TPX2: variants seen among roughly 807,000 people sequenced by gnomAD.
The protein encoded by TPX2 is TPX2 microtubule nucleation factor.
Under a neutral mutation model 93.6 loss-of-function variants are expected in TPX2, and 21 were observed. That is an observed-to-expected ratio of 0.22 (90% CI 0.16 to 0.32). The LOEUF (loss-of-function observed/expected upper bound fraction) is 0.32. Ranked by LOEUF, TPX2 falls within the 10% of genes least tolerant of loss-of-function variation. The probability of loss-of-function intolerance (pLI) is 1.00; values close to 1 mark genes in which losing one functional copy is unlikely to be tolerated. For missense variants in TPX2, 776 were observed against 871.1 expected (o/e 0.89, Z 1.37); for synonymous variants, 281 against 298.3 (o/e 0.94, Z 0.60).
At chr20:31,757,179 A>G (rs563382059) in intron 2 of TPX2, among the ~76,000 whole-genome samples, 1 of 152,240 alleles carries the variant, frequency 6.6e-6, no homozygotes, top group African/African-American at 2.4e-5. Flanking sequence ...AAATGCTGGG[A>G]TTACAGACGT....
intron 7 of TPX2, among the ~76,000 whole-genome samples, chr20:31,773,900 T>C (rs1268005873): frequency 6.6e-6 from 1 of 152,042 alleles, no homozygotes; most frequent in Non-Finnish European, 1.5e-5. Context: ...AGATGGAGTT[T>C]CTCTCTTGTT....
Position 31,739,332 on chromosome 20 carries a change from T to C in TPX2, c.-467T>C, listed in dbSNP as rs1048591307. 3 of 152,252 alleles carry C rather than the reference T, an allele frequency of 2.0e-5. No individual in the cohort carries two copies. Among genetic ancestry groups the C allele is most frequent in the African/African-American group, 7.2e-5 (3 of 41,472 alleles). 9.4% of individuals were successfully genotyped at this position (152,252 alleles called of 1,614,324 possible). ...GGTTGGCTCGCGCTTCGTTGTCAGA[T>C]CTGAGGCGAGGCTAGGTGAGCCGTG... is the stretch of plus-strand genomic sequence containing the variant. On this transcript the variant is annotated 5_prime_UTR_variant, in exon 1 of 18. Coordinates refer to ENST00000300403, the MANE Select transcript of TPX2 (RefSeq NM_012112.5).
intron 12 of TPX2, among the ~76,000 whole-genome samples, chr20:31,790,225 T>C (rs1387377324): frequency 6.6e-6 from 1 of 152,224 alleles, no homozygotes; most frequent in Non-Finnish European, 1.5e-5. Context: ...GATTTCACTA[T>C]GCTAATGATT....
At chr20:31,774,871 C>G (rs1386528509) in intron 7 of TPX2, among the ~76,000 whole-genome samples, 1 of 152,158 alleles carries the variant, frequency 6.6e-6, no homozygotes, top group Non-Finnish European at 1.5e-5. Context: ...TTCCAAGTAG[C>G]TGGGATTACA....
chr20:31,741,564 C>T (rs149287839), intron 1 of TPX2, among the ~76,000 whole-genome samples: 3,437 of 151,482 alleles, frequency 0.023, 135 homozygotes, highest in African/African-American at 0.078. Flanking sequence ...CTGCAACCTC[C>T]GCCTCCTGGG....
At chr20:31,747,215 G>T (rs1037027997) in intron 2 of TPX2, among the ~76,000 whole-genome samples, 1 of 152,120 alleles carries the variant, frequency 6.6e-6, no homozygotes, top group African/African-American at 2.4e-5. Flanking sequence ...CCACCTCCTG[G>T]GTTCAAGCTA....
chr20:31,758,148 A>G (rs1005123607), intron 3 of TPX2, among the ~76,000 whole-genome samples: 4 of 124,954 alleles, frequency 3.2e-5, no homozygotes, highest in African/African-American at 1.2e-4. Context: ...TTGAGGCTGT[A>G]GTCTCGCTCT....
intron 15 of TPX2, among the ~76,000 whole-genome samples, chr20:31,797,009 TA>T (rs1263992507): frequency 6.6e-6 from 1 of 151,874 alleles, no homozygotes; most frequent in Non-Finnish European, 1.5e-5. Context: ...TTTTTTAATT[TA>T]AAAGTAAACT....
At chr20:31,781,813 C>T (rs573176797) in intron 10 of TPX2, among the ~76,000 whole-genome samples, 13 of 151,664 alleles carry the variant, frequency 8.6e-5, no homozygotes, top group African/African-American at 2.7e-4. Context: ...CATGGTGGTG[C>T]ATGCCTGTAA....
intron 2 of TPX2, among the ~76,000 whole-genome samples, chr20:31,751,949 G>A (rs566662045): frequency 2.4e-3 from 362 of 152,240 alleles, no homozygotes; most frequent in Non-Finnish European, 3.8e-3. Flanking sequence ...CACCATGTTG[G>A]TGAGGCTGGT....
chr20:31,773,839 A>C (rs2061979388), intron 7 of TPX2, among the ~76,000 whole-genome samples: 1 of 151,674 alleles, frequency 6.6e-6, no homozygotes, highest in South Asian at 2.1e-4. Context: ...CACCTCAAAT[A>C]CTTACCACTT....
At chr20:31,796,258 TTACACTGGA>T (rs963927575) in intron 15 of TPX2, among the ~76,000 whole-genome samples, 1 of 152,220 alleles carries the variant, frequency 6.6e-6, no homozygotes, top group Non-Finnish European at 1.5e-5. Context: ...CCCACTTATC[TTACACTGGA>T]TACTTCTACC....
intron 3 of TPX2, among the ~76,000 whole-genome samples, chr20:31,759,513 C>G (rs909990794): frequency 2.7e-5 from 4 of 150,882 alleles, no homozygotes; most frequent in African/African-American, 9.8e-5. Context: ...GATTCCCCTG[C>G]CTCAGCTTCT....
chr20:31,785,191 C>CT (rs1306114771), intron 12 of TPX2, among the ~76,000 whole-genome samples: 2 of 152,004 alleles, frequency 1.3e-5, no homozygotes, highest in African/African-American at 4.8e-5. Flanking sequence ...GTTCACGATG[C>CT]TTTTTTTTCC....
chr20:31,771,462 A>G lies in TPX2; in HGVS notation c.486-98A>G, dbSNP rs57977264. The G allele has an allele frequency of 3.3e-3, 4,747 of 1,450,932 alleles. 128 individuals are homozygous for G. The African/African-American group carries it at 0.058, about 18-fold the overall frequency. The allele number at this position is 1,450,932 out of a possible 1,614,324, so 89.9% of individuals were successfully genotyped here. On this transcript the variant is annotated intron_variant, in intron 6 of 17. Transcript: ENST00000300403. ...CGAAGCATGCTTGTTATCCTATAGAATGAGAAAATTTAATCCATATGCAGT... is the reference window on the plus strand; with the variant it reads ...CGAAGCATGCTTGTTATCCTATAGAGTGAGAAAATTTAATCCATATGCAGT...
At chr20:31,776,369 C>T (rs985206304) in intron 8 of TPX2, among the ~76,000 whole-genome samples, 1 of 151,886 alleles carries the variant, frequency 6.6e-6, no homozygotes, top group South Asian at 2.1e-4. Flanking sequence ...CGTGAGCCAC[C>T]GCACCCGGCC....
intron 11 of TPX2, among the ~76,000 whole-genome samples, chr20:31,783,273 T>C (rs970377814): frequency 5.3e-5 from 8 of 151,978 alleles, no homozygotes; most frequent in African/African-American, 1.9e-4. Flanking sequence ...TTTTTTGAGA[T>C]GGAGTTTCGC....
chr20:31,766,176 T>G (rs570709422), intron 4 of TPX2, among the ~76,000 whole-genome samples: 19 of 152,208 alleles, frequency 1.2e-4, no homozygotes, highest in Non-Finnish European at 7.4e-5. Context: ...ATCTTCTATT[T>G]TTATGTATTG....
chr20:31,786,766 T>C (rs1382716402), intron 12 of TPX2, among the ~76,000 whole-genome samples: 1 of 152,116 alleles, frequency 6.6e-6, no homozygotes, highest in Non-Finnish European at 1.5e-5. Flanking sequence ...ACTCTAGAAA[T>C]GCTAGGGTGA....
Sources: allele counts gnomAD v4.1 joint callset (sites outside exome capture counted in the v4.1 genomes callset), GRCh38; gene constraint gnomAD v4.1.1; transcripts MANE v1.5; gene names NCBI Gene and HGNC (gene_info 2026-07-23, HGNC 2026-07-21).